Variants in PARD3B observed in about 807,000 individuals in gnomAD.
PARD3B encodes the protein par-3 family cell polarity regulator beta, also known as partitioning defective 3 homolog B.
Under a neutral mutation model 130.2 loss-of-function variants are expected in PARD3B, and 103 were observed. The ratio of observed to expected loss-of-function variants is 0.79; its 90% CI spans 0.67 to 0.93. PARD3B has a LOEUF of 0.93. PARD3B is among the 40% of genes least tolerant of loss of function. The pLI is 0.00. For missense variants in PARD3B, 1,609 were observed against 1,499.2 expected (o/e 1.07, Z -1.21); for synonymous variants, 583 against 553.2 (o/e 1.05, Z -0.76).
At position 204,598,104 on chromosome 2, in the gene PARD3B, CCTT is replaced by C. The variant is rs199990085; in HGVS notation, c.120+51988_120+51990del. Among the ~76,000 whole-genome samples, 33 of 152,194 alleles carry C rather than the reference CCTT, an allele frequency of 2.2e-4. No homozygotes were observed. In the East Asian group the frequency reaches 4.6e-3, roughly 21 times the overall value. On this transcript the variant is annotated intron_variant, in intron 1 of 22. Coordinates refer to ENST00000406610, the MANE Select transcript of PARD3B (RefSeq NM_001302769.2). The stretch of plus-strand genomic sequence containing the variant: ...ATTAAAAGTTAAACTCAGATTGTGA[CCTT>C]CTGCTTTTGTCTCATTTACTCCTTT...
At chr2:204,597,291 A>G (rs1484301029) in intron 1 of PARD3B, among the ~76,000 whole-genome samples, 1 of 151,876 alleles carries the variant, frequency 6.6e-6, no homozygotes, top group Non-Finnish European at 1.5e-5. Flanking sequence ...AATGATGCCC[A>G]TAGGATAAAT....
Position 205,341,994 on chromosome 2 carries a change from A to T in PARD3B, c.2630+40293A>T, listed in dbSNP as rs2043559094. Among the ~76,000 whole-genome samples, 1 of 152,146 alleles carries T rather than the reference A, an allele frequency of 6.6e-6. No homozygotes were observed. The highest frequency in any genetic ancestry group is 1.5e-5 in the Non-Finnish European group (1 of 67,992). On this transcript the variant is annotated intron_variant, in intron 18 of 22. Coordinates refer to ENST00000406610, the MANE Select transcript of PARD3B (RefSeq NM_001302769.2). This position sits in a 1 kb window ranked among gnomAD's most constrained non-coding sequence, Gnocchi z 4.3. ...CTAGTTAATCAAAACAGCATTGCAT[A>T]TGACTGTATTTCTCCAGTTTTAAAA...
At position 205,366,769 on chromosome 2, in the gene PARD3B, G is replaced by A. The variant is rs965338664; in HGVS notation, c.2631-34244G>A. On this transcript the variant is annotated intron_variant, in intron 18 of 22. Coordinates refer to ENST00000406610, the MANE Select transcript of PARD3B (RefSeq NM_001302769.2). This position sits in a 1 kb window ranked among gnomAD's most constrained non-coding sequence, Gnocchi z 5.0. ...TTTGAATTCTGCAACCTTTGAAGTT[G>A]TATCTCTGCACCTGGGGGCATTTTA... is the stretch of plus-strand genomic sequence containing the variant. Among the ~76,000 whole-genome samples, 1 of 152,114 alleles carries A rather than the reference G, an allele frequency of 6.6e-6. No homozygotes were observed. The highest frequency in any genetic ancestry group is 2.4e-5 in the African/African-American group (1 of 41,432).
At chr2:204,899,233 C>A (rs1329248673) in intron 2 of PARD3B, among the ~76,000 whole-genome samples, 2 of 118,810 alleles carry the variant, frequency 1.7e-5, no homozygotes, top group African/African-American at 6.8e-5. Context: ...CCCTCCTCTC[C>A]TTCCCTCCCT....
At position 205,458,384 on chromosome 2, in the gene PARD3B, G is replaced by T. The variant is rs1325896017; in HGVS notation, c.3044+17712G>T. Among the ~76,000 whole-genome samples, 2 of 151,644 alleles carry T rather than the reference G, an allele frequency of 1.3e-5. No individual in the cohort carries two copies. Among genetic ancestry groups the T allele is most frequent in the Non-Finnish European group, 2.9e-5 (2 of 67,944 alleles). On this transcript the variant is annotated intron_variant, in intron 20 of 22. Transcript: ENST00000406610. This position sits in a 1 kb window ranked among gnomAD's most constrained non-coding sequence, Gnocchi z 4.8. ...AAATATTTGACCTTTCTGTACATGC[G>T]TCTTGCTCTCTGTTCGTTTCTGGTT...
rs1397076841 is a variant in PARD3B, at chr2:205,121,052, C to A, written c.807-539C>A. ...TTCCACTGAGACATTTTGGCACAGC[C>A]AAAGCACCTGCCAAAATGTCTCCAT... On this transcript the variant is annotated intron_variant, in intron 7 of 22. Transcript: ENST00000406610. This position sits in a 1 kb window ranked among gnomAD's most constrained non-coding sequence, Gnocchi z 5.0. Among the ~76,000 whole-genome samples, 1 of 152,148 alleles carries A rather than the reference C, an allele frequency of 6.6e-6. No homozygotes were observed. Among genetic ancestry groups the A allele is most frequent in the Non-Finnish European group, 1.5e-5 (1 of 68,030 alleles).
intron 2 of PARD3B, among the ~76,000 whole-genome samples, chr2:204,891,144 G>A (rs944928021): frequency 6.6e-6 from 1 of 151,092 alleles, no homozygotes; most frequent in Non-Finnish European, 1.5e-5. Context: ...CTGCCTGCCC[G>A]TGATTCAACT....
intron 2 of PARD3B, among the ~76,000 whole-genome samples, chr2:204,827,938 G>A (rs988563726): frequency 6.6e-5 from 10 of 152,158 alleles, no homozygotes; most frequent in Non-Finnish European, 1.2e-4. Flanking sequence ...TCTGCCAGAA[G>A]CCCAGTTTTA....
intron 2 of PARD3B, among the ~76,000 whole-genome samples, chr2:204,883,455 A>ATATT (rs1377428928): frequency 2.6e-5 from 2 of 77,278 alleles, no homozygotes; most frequent in Non-Finnish European, 2.3e-5. Flanking sequence ...ATATATATAT[A>ATATT]TTTTTTTTTT....
intron 2 of PARD3B, among the ~76,000 whole-genome samples, chr2:204,752,611 C>T (rs566610959): frequency 6.6e-6 from 1 of 152,254 alleles, no homozygotes; most frequent in African/African-American, 2.4e-5. Flanking sequence ...GTAACTTGTT[C>T]AGTTCAATTC....
chr2:204,698,459 T>C (rs2037721967), intron 2 of PARD3B, among the ~76,000 whole-genome samples: 1 of 152,110 alleles, frequency 6.6e-6, no homozygotes, highest in African/African-American at 2.4e-5. Flanking sequence ...GGCTTAGATT[T>C]ACTAGGCAAG....
In PARD3B at chr2:205,618,817, C is replaced by T. The variant is rs1390214099; in HGVS notation, c.*3004C>T. 2.0e-5 allele frequency: 3 copies of T among 152,200 alleles called. No homozygotes were observed. The highest frequency in any genetic ancestry group is 7.2e-5 in the African/African-American group (3 of 41,454). 9.4% of individuals were successfully genotyped at this position (152,200 alleles called of 1,614,324 possible). ...CATTATGCCATCGGGTTGTGGCACTCTCACCCTTGCCATAATACCGTTTCC... is the reference window on the plus strand; with the variant it reads ...CATTATGCCATCGGGTTGTGGCACTTTCACCCTTGCCATAATACCGTTTCC... On this transcript the variant is annotated 3_prime_UTR_variant, in exon 23 of 23. Coordinates refer to ENST00000406610, the MANE Select transcript of PARD3B (RefSeq NM_001302769.2).
In PARD3B at chr2:204,688,297, G is replaced by A. The variant is rs113111230; in HGVS notation, c.222+2015G>A. ...GCCATTTCTTCTTCTTAAAAAATAC[G>A]TAAGTGGCACGGTGGCTCATGCCTG... On this transcript the variant is annotated intron_variant, in intron 2 of 22. Transcript: ENST00000406610. Among the ~76,000 whole-genome samples, 1,044 of 152,070 alleles carry A rather than the reference G, an allele frequency of 6.9e-3. 7 individuals are homozygous for A. The highest frequency in any genetic ancestry group is 0.031 in the Middle Eastern group (9 of 294).
chr2:205,542,053 G>A (rs1242139541), intron 21 of PARD3B, among the ~76,000 whole-genome samples: 5 of 139,088 alleles, frequency 3.6e-5, no homozygotes, highest in African/African-American at 5.3e-5. Context: ...TGAGGCAGGA[G>A]AATAGCTTGA....
chr2:204,941,979 T>C (rs1372403942), intron 2 of PARD3B, among the ~76,000 whole-genome samples: 1 of 152,188 alleles, frequency 6.6e-6, no homozygotes, highest in Non-Finnish European at 1.5e-5. Context: ...TGGTTTTATA[T>C]CATTTTGATT....
chr2:205,081,015 A>G (rs1355409967), intron 4 of PARD3B, among the ~76,000 whole-genome samples: 1 of 149,522 alleles, frequency 6.7e-6, no homozygotes, highest in East Asian at 2.0e-4. Context: ...TTTTCTTTAT[A>G]TATTCTCTGT....
chr2:204,776,152 T>C (rs1045619834), intron 2 of PARD3B, among the ~76,000 whole-genome samples: 22 of 152,314 alleles, frequency 1.4e-4, no homozygotes, highest in African/African-American at 5.3e-4. Context: ...AGGAATATTA[T>C]TGAATGACAC....
At chr2:204,829,023 T>A (rs1312619555) in intron 2 of PARD3B, among the ~76,000 whole-genome samples, 2 of 152,246 alleles carry the variant, frequency 1.3e-5, no homozygotes, top group Non-Finnish European at 2.9e-5. Flanking sequence ...CCAAGTCTTA[T>A]GGATAGTGCT....
intron 13 of PARD3B, among the ~76,000 whole-genome samples, chr2:205,181,939 G>T (rs140156262): frequency 1.3e-5 from 2 of 152,276 alleles, no homozygotes; most frequent in Non-Finnish European, 2.9e-5. Flanking sequence ...GCTTAACAAA[G>T]GTGTCTGGGC....
Sources: allele counts gnomAD v4.1 joint callset (sites outside exome capture counted in the v4.1 genomes callset), GRCh38; gene constraint gnomAD v4.1.1; non-coding constraint Gnocchi (gnomAD v3.1); transcripts MANE v1.5; gene names NCBI Gene and HGNC (gene_info 2026-07-23, HGNC 2026-07-21).